Variants in COQ3 observed in about 807,000 individuals in gnomAD.
COQ3 encodes ubiquinone biosynthesis O-methyltransferase, mitochondrial.
Under a neutral mutation model 33.1 loss-of-function variants are expected in COQ3, and 29 were observed. The observed-to-expected ratio is 0.88, with a 90% confidence interval of 0.65 to 1.19. The LOEUF (loss-of-function observed/expected upper bound fraction) is 1.19, where lower values mean the gene tolerates loss of function less well. COQ3 is among the 50% of genes most tolerant of loss of function. COQ3 has a pLI of 0.00. For missense variants in COQ3, 437 were observed against 430.7 expected (o/e 1.01, Z -0.13); for synonymous variants, 173 against 157.8 (o/e 1.10, Z -0.72).
chr6:99,386,677 C>T (rs902507181), intron 1 of COQ3, among the ~76,000 whole-genome samples: 4 of 152,158 alleles, frequency 2.6e-5, no homozygotes, highest in Non-Finnish European at 4.4e-5. Context: ...TAACTCTACA[C>T]TCAGAAATTC....
At position 99,376,002 on chromosome 6, in the gene COQ3, C is replaced by T. The variant is rs771730792; in HGVS notation, c.667G>A (p.Glu223Lys). Reference sequence around the variant, plus strand: ...AGATCAATCACATGTTCTACAACTTCAGAAGCTACAACAGCATCAAATGTT... The same window carrying T: ...AGATCAATCACATGTTCTACAACTTTAGAAGCTACAACAGCATCAAATGTT... The part of the protein sequence containing the change: ...AETFDAVVAS[E>K]VVEHVIDLET... The change falls in exon 5 of 7, where the codon GAA (glutamate) becomes AAA (lysine). Residue 223 changes from glutamate (E) to lysine (K), a missense_variant. Coordinates refer to ENST00000254759, the MANE Select transcript of COQ3 (RefSeq NM_017421.4). 1.2e-6 allele frequency: 2 copies of T among 1,614,068 alleles called. No homozygotes were observed. The highest frequency in any genetic ancestry group is 1.1e-5 in the South Asian group (1 of 91,088).
chr6:99,376,831 C>T (rs887408536), intron 4 of COQ3, among the ~76,000 whole-genome samples: 3 of 151,746 alleles, frequency 2.0e-5, no homozygotes, highest in Non-Finnish European at 4.4e-5. Flanking sequence ...GGCATGGTGG[C>T]GGCAGCCCGT....
intron 1 of COQ3, among the ~76,000 whole-genome samples, 171 bp downstream of exon 1, chr6:99,393,903 G>T (rs551635966): frequency 6.6e-6 from 1 of 152,324 alleles, no homozygotes; most frequent in Admixed American, 6.5e-5. Context: ...CCGCCAACGG[G>T]ACTATGCGAG....
chr6:99,388,663 C>T (rs1330954648), intron 1 of COQ3, among the ~76,000 whole-genome samples: 1 of 152,032 alleles, frequency 6.6e-6, no homozygotes, highest in Non-Finnish European at 1.5e-5. Flanking sequence ...GTCTGGCCAA[C>T]ATGGTGAAAC....
At chr6:99,392,094 G>A (rs1774847901) in intron 1 of COQ3, among the ~76,000 whole-genome samples, 1 of 152,138 alleles carries the variant, frequency 6.6e-6, no homozygotes, top group South Asian at 2.1e-4. Flanking sequence ...TATTTAAACA[G>A]AATGCTACCA....
At chr6:99,388,921 ACACACACACACACC>A (rs1313405812) in intron 1 of COQ3, among the ~76,000 whole-genome samples, 79 of 146,952 alleles carry the variant, frequency 5.4e-4, no homozygotes, top group Non-Finnish European at 8.5e-4. Context: ...ACACACACAC[ACACACACACACACC>A]CACATCCTCA....
At chr6:99,391,102 T>TTG (rs1554209282) in intron 1 of COQ3, among the ~76,000 whole-genome samples, 6 of 121,144 alleles carry the variant, frequency 5.0e-5, no homozygotes, top group South Asian at 2.6e-4. Context: ...TTTATTTATT[T>TTG]ATTTATTTAT....
chr6:99,394,097 G>C lies in COQ3; in HGVS notation c.83C>G (p.Ala28Gly). The C allele has an allele frequency of 6.2e-7, 1 of 1,613,676 alleles. No individual in the cohort carries two copies. Among genetic ancestry groups the C allele is most frequent in the South Asian group, 1.1e-5 (1 of 91,064 alleles). ...LGPGGCNTKA[A>G]RPLISSAVYV... ...ACCCGCCGAGGAAATTAAGGGACGC[G>C]CAGCTTTTGTATTACAGCCTCCAGG... The change falls in exon 1 of 7, where the codon GCG becomes GGG. Residue 28 changes from alanine to glycine, a missense_variant. Transcript: ENST00000254759.
Position 99,369,493 on chromosome 6 carries a change from A to T in COQ3, c.*107T>A. ...TTTGTCCAAGGTTTTAGCCCTTTTT[A>T]TTGACCTTCTTTTCTTCATGATTCT... On this transcript the variant is annotated 3_prime_UTR_variant, in exon 7 of 7. Coordinates refer to ENST00000254759, the MANE Select transcript of COQ3 (RefSeq NM_017421.4). 1.1e-6 allele frequency: 1 copy of T among 925,664 alleles called. No individual in the cohort carries two copies. The highest frequency in any genetic ancestry group is 1.7e-5 in the South Asian group (1 of 59,848). The allele number at this position is 925,664 out of a possible 1,614,324, so 57.3% of individuals were successfully genotyped here.
At chr6:99,381,124 T>A (rs1272856318) in intron 2 of COQ3, among the ~76,000 whole-genome samples, 1 of 152,054 alleles carries the variant, frequency 6.6e-6, no homozygotes, top group East Asian at 1.9e-4. Flanking sequence ...GGTGCCTCCA[T>A]CTTCTCTGCT....
At chr6:99,378,577 A>T (rs1774373732) in intron 3 of COQ3, among the ~76,000 whole-genome samples, 1 of 152,298 alleles carries the variant, frequency 6.6e-6, no homozygotes, top group South Asian at 2.1e-4. Context: ...AGAATCACGT[A>T]AAGTTTGCTT....
chr6:99,390,612 G>A (rs1032061952), intron 1 of COQ3, among the ~76,000 whole-genome samples: 4 of 152,196 alleles, frequency 2.6e-5, no homozygotes, highest in African/African-American at 9.6e-5. Flanking sequence ...GACTACAGGC[G>A]TGAGCCACGC....
intron 2 of COQ3, among the ~76,000 whole-genome samples, chr6:99,383,344 T>A (rs1024928894): frequency 6.6e-6 from 1 of 152,216 alleles, no homozygotes; most frequent in Admixed American, 6.5e-5. Context: ...ATAAGTAATA[T>A]TTATGATTTT....
chr6:99,369,607 T>C lies in COQ3; in HGVS notation c.1103A>G (p.Lys368Arg). The C allele has an allele frequency of 1.2e-6, 2 of 1,611,956 alleles. No individual in the cohort carries two copies. The highest frequency in any genetic ancestry group is 1.7e-6 in the Non-Finnish European group (2 of 1,178,362). Residue 368 changes from lysine to arginine, a missense_variant, in exon 7 of 7, where the codon AAG becomes AGG. Coordinates refer to ENST00000254759, the MANE Select transcript of COQ3 (RefSeq NM_017421.4). ...ATAGTTCTCAGAAACAATTCATTTCTTCAGCTTTTCATGCACAGCTGGATT... is the reference window on the plus strand; with the variant it reads ...ATAGTTCTCAGAAACAATTCATTTCCTCAGCTTTTCATGCACAGCTGGATT... ...CTNPAVHEKL[K>R]K
chr6:99,375,840 C>T (rs952191605), intron 5 of COQ3, 100 bp downstream of exon 5: 19 of 1,275,320 alleles, frequency 1.5e-5, no homozygotes, highest in Non-Finnish European at 2.0e-5. Flanking sequence ...CTATACCTTG[C>T]CTGCTGGACT....
At chr6:99,385,175 G>A (rs1003643251) in intron 1 of COQ3, among the ~76,000 whole-genome samples, 2 of 152,136 alleles carry the variant, frequency 1.3e-5, no homozygotes, top group African/African-American at 4.8e-5. Context: ...GAAATGAAAT[G>A]AGAAATAAAC....
chr6:99,370,507 C>T (rs555835110), intron 6 of COQ3, among the ~76,000 whole-genome samples: 2 of 151,996 alleles, frequency 1.3e-5, no homozygotes, highest in South Asian at 2.1e-4. Flanking sequence ...CACCACCACA[C>T]CCGGCTAATT....
chr6:99,390,131 G>T lies in COQ3; in HGVS notation c.106+3943C>A, dbSNP rs77115976. On this transcript the variant is annotated intron_variant, in intron 1 of 6. Coordinates refer to ENST00000254759, the MANE Select transcript of COQ3 (RefSeq NM_017421.4). The stretch of plus-strand genomic sequence containing the variant: ...CCGTCTCAAAACGACAACAACTAGA[G>T]ATTAAATTACATAGGTTATTTCATT... 1.3e-3 allele frequency among the ~76,000 whole-genome samples: 202 copies of T among 152,114 alleles called. 4 individuals are homozygous for T. In the East Asian group the frequency reaches 0.028, roughly 21 times the overall value.
At chr6:99,383,870 G>A (rs761986218) in intron 1 of COQ3, 46 bp from the exon 2 acceptor site, 49 of 1,411,854 alleles carry the variant, frequency 3.5e-5, no homozygotes, top group Non-Finnish European at 4.5e-5. Context: ...TGCACAGTAA[G>A]AATCCCTGAT....
Sources: allele counts gnomAD v4.1 joint callset (sites outside exome capture counted in the v4.1 genomes callset), GRCh38; gene constraint gnomAD v4.1.1; transcripts MANE v1.5; gene names NCBI Gene and HGNC (gene_info 2026-07-23, HGNC 2026-07-21).